The following NDUFB6 variants were observed in gnomAD, a reference collection of about 807,000 sequenced individuals.
NDUFB6 encodes the protein NADH:ubiquinone oxidoreductase subunit B6.
Under a neutral mutation model 17.5 loss-of-function variants are expected in NDUFB6, and 23 were observed. The ratio of observed to expected loss-of-function variants is 1.31; its 90% CI spans 0.94 to 1.86. The LOEUF (loss-of-function observed/expected upper bound fraction) is 1.86. Among genes scored for constraint, NDUFB6 ranks in the 40% most tolerant of loss-of-function variants. The pLI is 0.00. For missense variants in NDUFB6, 167 were observed against 153.8 expected, an observed-to-expected ratio of 1.09 and a Z score of -0.46; for synonymous variants, 60 against 53.5, an observed-to-expected ratio of 1.12 and a Z score of -0.53.
intron 2 of NDUFB6, among the ~76,000 whole-genome samples, chr9:32,565,117 A>G (rs575801178): frequency 6.6e-6 from 1 of 151,848 alleles, no homozygotes; most frequent in South Asian, 2.1e-4. Flanking sequence ...ACATGGCAAA[A>G]CCTCATCTCT....
chr9:32,568,974 C>T (rs1264383444), intron 2 of NDUFB6, among the ~76,000 whole-genome samples: 1 of 151,718 alleles, frequency 6.6e-6, no homozygotes, highest in African/African-American at 2.4e-5. Context: ...TGGTCTTGAA[C>T]TCCTGACCTC....
chr9:32,561,636 T>G (rs984929657), intron 2 of NDUFB6, among the ~76,000 whole-genome samples: 1 of 152,172 alleles, frequency 6.6e-6, no homozygotes, highest in African/African-American at 2.4e-5. Flanking sequence ...GTCTAAAATA[T>G]TCACTTCTAT....
intron 2 of NDUFB6, among the ~76,000 whole-genome samples, chr9:32,570,660 T>C (rs1175923560): frequency 1.3e-5 from 2 of 152,160 alleles, no homozygotes; most frequent in Non-Finnish European, 2.9e-5. Flanking sequence ...GCAGAATTGT[T>C]TTCTCCCTTC....
rs781563253 is a variant in NDUFB6, at chr9:32,572,923, G to C, written c.138C>G (p.Phe46Leu). 12 of 1,605,174 alleles carry C rather than the reference G, an allele frequency of 7.5e-6. No homozygotes were observed. Among genetic ancestry groups the C allele is most frequent in the Admixed American group, 5.1e-5 (3 of 58,442 alleles). The change falls in exon 1 of 4, where the codon TTC becomes TTG. Residue 46 changes from phenylalanine (F) to leucine (L), a missense_variant. Physicochemically the swap from Phe to Leu is conservative, Grantham distance 22. Transcript: ENST00000379847. ...PPQKMGPMEKFWNKFLENKSP... is the reference protein window; with the variant it reads ...PPQKMGPMEKLWNKFLENKSP... ...ATTTATTCTCCAAAAATTTATTCCAGAATTTCTCCATAGGCCCCATCTTCT... is the reference window on the plus strand; with the variant it reads ...ATTTATTCTCCAAAAATTTATTCCACAATTTCTCCATAGGCCCCATCTTCT...
rs1026670300 is a variant in NDUFB6 at position 32,571,182 on chromosome 9, T to C, written c.181-130A>G. On this transcript the variant is annotated intron_variant, in intron 1 of 3. Coordinates refer to ENST00000379847, the MANE Select transcript of NDUFB6 (RefSeq NM_002493.5). ...ACTCTAAATGGCACATATTTTCTTATAGTCTGTAGGTAACCTCATCTACTC... is the reference window on the plus strand; with the variant it reads ...ACTCTAAATGGCACATATTTTCTTACAGTCTGTAGGTAACCTCATCTACTC... The C allele has an allele frequency of 5.9e-5, 38 of 648,378 alleles. No individual in the cohort carries two copies. The African/African-American group carries it at 5.9e-4, about 10-fold the overall frequency. The allele number at this position is 648,378 out of a possible 1,614,324, so 40.2% of individuals were successfully genotyped here. A position where few individuals can be genotyped will look rare whatever the true frequency, so the allele number is the denominator to read the frequency against.
At chr9:32,570,132 G>GTTA (rs984283116) in intron 2 of NDUFB6, among the ~76,000 whole-genome samples, 8 of 152,070 alleles carry the variant, frequency 5.3e-5, no homozygotes, top group African/African-American at 1.9e-4. Context: ...CTTGCTCTGA[G>GTTA]TTACCACTTG....
chr9:32,567,898 AAAAG>A (rs1821844072), intron 2 of NDUFB6: 1 of 171,032 alleles, frequency 5.8e-6, no homozygotes, highest in South Asian at 1.9e-4. Context: ...CTGTTCAAAT[AAAAG>A]AAAGAGCTGC....
Position 32,553,789 on chromosome 9 carries a change from T to C in NDUFB6, c.*87A>G. The stretch of plus-strand genomic sequence containing the variant: ...GACAATTTCTGAGATTAAACTTTAT[T>C]AAAGTTACTTTTCCAGAAAATTCAG... On this transcript the variant is annotated 3_prime_UTR_variant, in exon 4 of 4. Coordinates refer to ENST00000379847, the MANE Select transcript of NDUFB6 (RefSeq NM_002493.5). 1.1e-6 allele frequency: 1 copy of C among 885,152 alleles called. No individual in the cohort carries two copies. The highest frequency in any genetic ancestry group is 1.8e-6 in the Non-Finnish European group (1 of 545,254). The allele number at this position is 885,152 out of a possible 1,614,324, so 54.8% of individuals were successfully genotyped here. A position where few individuals can be genotyped will look rare whatever the true frequency, so the allele number is the denominator to read the frequency against.
rs757530534 is a variant in NDUFB6 at position 32,558,893 on chromosome 9, G to A, written c.318+17C>T. ...AAAACAATAAACAAAAGAAAAATCA[G>A]AAGTGTTAAGACTTACAGGGAATAT... On this transcript the variant is annotated intron_variant, in intron 3 of 3. Transcript: ENST00000379847. 1 of 1,494,672 alleles carries A rather than the reference G, an allele frequency of 6.7e-7. No homozygotes were observed. Among genetic ancestry groups the A allele is most frequent in the Admixed American group, 1.8e-5 (1 of 55,468 alleles). 92.6% of individuals were successfully genotyped at this position (1,494,672 alleles called of 1,614,324 possible).
In NDUFB6 at chr9:32,570,975, C is replaced by G; in HGVS notation, c.258G>C (p.Met86Ile). 6.3e-7 allele frequency: 1 copy of G among 1,583,532 alleles called. No individual in the cohort carries two copies. The highest frequency in any genetic ancestry group is 8.6e-7 in the Non-Finnish European group (1 of 1,159,830). Residue 86 changes from methionine to isoleucine, a missense_variant, in exon 2 of 4, where the codon ATG (methionine) becomes ATC (isoleucine). Coordinates refer to ENST00000379847, the MANE Select transcript of NDUFB6 (RefSeq NM_002493.5). ...ACATACTTACAGAAACATGATACTT[C>G]ATGTAATAATGAATAATCCAGACAG... ...LVPVWIIHYY[M>I]KYHVSEKPYG...
intron 2 of NDUFB6, chr9:32,566,649 A>G (rs540260774): frequency 3.4e-5 from 27 of 799,610 alleles, no homozygotes; most frequent in East Asian, 1.9e-4. Context: ...GCAGGAGCTC[A>G]CCTCTCTCAG....
At chr9:32,563,042 C>T (rs958401328) in intron 2 of NDUFB6, among the ~76,000 whole-genome samples, 3 of 152,106 alleles carry the variant, frequency 2.0e-5, no homozygotes, top group Non-Finnish European at 2.9e-5. Flanking sequence ...GGAGAACAGC[C>T]CCTCAGTTTG....
chr9:32,570,463 T>A (rs1291321094), intron 2 of NDUFB6, among the ~76,000 whole-genome samples: 2 of 152,156 alleles, frequency 1.3e-5, no homozygotes, highest in Non-Finnish European at 2.9e-5. Flanking sequence ...ACTGGCTCAG[T>A]TCCATCAGCC....
At chr9:32,556,567 G>C (rs921098558) in intron 3 of NDUFB6, among the ~76,000 whole-genome samples, 6 of 152,076 alleles carry the variant, frequency 3.9e-5, no homozygotes, top group Non-Finnish European at 7.4e-5. Flanking sequence ...TTCCTCAAAG[G>C]GGTCATGGCA....
intron 2 of NDUFB6, among the ~76,000 whole-genome samples, chr9:32,559,825 C>A (rs894037249): frequency 1.3e-5 from 2 of 152,180 alleles, no homozygotes; most frequent in Non-Finnish European, 2.9e-5. Flanking sequence ...TAAAACTAAA[C>A]ATTTCATGAG....
chr9:32,572,806 G>A (rs1237900484), intron 1 of NDUFB6, 75 bp downstream of exon 1: 55 of 1,343,500 alleles, frequency 4.1e-5, no homozygotes, highest in Non-Finnish European at 5.2e-5. Flanking sequence ...TGGCTGCAGG[G>A]AGCGGACGTT....
chr9:32,555,030 G>T (rs1821417160), intron 3 of NDUFB6, among the ~76,000 whole-genome samples: 1 of 152,002 alleles, frequency 6.6e-6, no homozygotes. Flanking sequence ...GATTTGAGAG[G>T]CGACATAAAA....
At position 32,571,030 on chromosome 9, in the gene NDUFB6, C is replaced by G. The variant is rs544749356; in HGVS notation, c.203G>C (p.Ser68Thr). ...RKMVHGVYKK[S>T]IFVFTHVLVP... Reference sequence around the variant, plus strand: ...AAGTACATGAGTGAAAACAAAGATACTCTTTTTGTATACCCCATGGACCTG... The same window carrying G: ...AAGTACATGAGTGAAAACAAAGATAGTCTTTTTGTATACCCCATGGACCTG... The change falls in exon 2 of 4, where the codon AGT becomes ACT. Residue 68 changes from serine (S) to threonine (T), a missense_variant. Physicochemically the swap from Ser to Thr is moderately conservative, Grantham distance 58. Transcript: ENST00000379847. The G allele has an allele frequency of 3.7e-6, 6 of 1,604,054 alleles. No individual in the cohort carries two copies. In the South Asian group the frequency reaches 6.7e-5, roughly 18 times the overall value.
chr9:32,560,719 G>A (rs1821601334), intron 2 of NDUFB6, among the ~76,000 whole-genome samples: 1 of 152,084 alleles, frequency 6.6e-6, no homozygotes, highest in African/African-American at 2.4e-5. Context: ...ATATTTAACA[G>A]AATTTAGCTA....
Sources: gnomAD v4.1 joint callset for allele counts (sites outside exome capture counted in the v4.1 genomes callset) on GRCh38, gnomAD v4.1.1 for gene constraint, MANE v1.5 for transcripts, NCBI Gene and HGNC (gene_info 2026-07-23, HGNC 2026-07-21) for gene names.